Variants in MCU observed in about 807,000 individuals in gnomAD.
MCU encodes the protein mitochondrial calcium uniporter.
MCU carries 12 observed loss-of-function variants against 45.2 expected under a neutral mutation model. The ratio of observed to expected loss-of-function variants is 0.27; its 90% confidence interval spans 0.17 to 0.43. MCU has a LOEUF of 0.43. MCU is among the 20% of genes least tolerant of loss of function. The probability of loss-of-function intolerance (pLI) is 1.00; values close to 1 mark genes in which losing one functional copy is unlikely to be tolerated. For missense variants in MCU, 324 were observed against 436.7 expected, an observed-to-expected ratio of 0.74 and a Z score of 2.30; for synonymous variants, 160 against 165.1, an observed-to-expected ratio of 0.97 and a Z score of 0.24.
rs1363718642 is a variant in MCU, at chr10:72,887,301, T to TTGC, written c.*1493_*1495dup. On this transcript the variant is annotated 3_prime_UTR_variant, in exon 8 of 8. Transcript: ENST00000373053. The stretch of plus-strand genomic sequence containing the variant: ...TGCAAAGGTTGAAGGCCAGCCAGGA[T>TTGC]TGCTGCTGCTGCTGCTACTCCTGCC... 1 of 152,754 alleles carries TTGC rather than the reference T, an allele frequency of 6.5e-6. No individual in the cohort carries two copies. The highest frequency in any genetic ancestry group is 2.4e-5 in the African/African-American group (1 of 41,448). The allele number at this position is 152,754 out of a possible 1,614,324, so 9.5% of individuals were successfully genotyped here.
chr10:72,834,491 T>C (rs1844927460), intron 2 of MCU, 63 bp downstream of exon 2: 4 of 1,408,504 alleles, frequency 2.8e-6, no homozygotes, highest in Non-Finnish European at 4.0e-6. Flanking sequence ...CAGTGTTTCC[T>C]ATTCTCTGAC....
intron 1 of MCU, among the ~76,000 whole-genome samples, chr10:72,800,409 G>A (rs1007493145): frequency 7.2e-5 from 11 of 152,154 alleles, no homozygotes; most frequent in African/African-American, 2.7e-4. Flanking sequence ...ATCTCAATAT[G>A]TGTGAGAGAA....
At chr10:72,873,405 T>C (rs1564581067) in intron 6 of MCU, among the ~76,000 whole-genome samples, 1 of 152,208 alleles carries the variant, frequency 6.6e-6, no homozygotes, top group East Asian at 1.9e-4. Context: ...ATGTCTTCTT[T>C]TGAGAAATGT....
intron 6 of MCU, among the ~76,000 whole-genome samples, chr10:72,876,583 A>G (rs1383336410): frequency 6.6e-6 from 1 of 152,176 alleles, no homozygotes; most frequent in Non-Finnish European, 1.5e-5. Context: ...ATATCCCCAT[A>G]GTAGTTATTC....
At chr10:72,727,313 A>G (rs528077863) in intron 1 of MCU, among the ~76,000 whole-genome samples, 1 of 152,334 alleles carries the variant, frequency 6.6e-6, no homozygotes, top group South Asian at 2.1e-4. Context: ...ATCAAATGGA[A>G]CATTCCCCAA....
chr10:72,827,227 C>G (rs1844812255), intron 1 of MCU, among the ~76,000 whole-genome samples: 1 of 152,092 alleles, frequency 6.6e-6, no homozygotes, highest in African/African-American at 2.4e-5. Context: ...GGTACAAATG[C>G]TAGGTTTTAT....
intron 1 of MCU, chr10:72,715,716 A>G (rs755719469): frequency 1.2e-4 from 22 of 178,870 alleles, no homozygotes; most frequent in Non-Finnish European, 2.2e-4. Flanking sequence ...ATGGGTTTCT[A>G]TGTTTATCAT....
chr10:72,754,067 A>G (rs918909687), intron 1 of MCU, among the ~76,000 whole-genome samples: 4 of 152,170 alleles, frequency 2.6e-5, no homozygotes, highest in African/African-American at 9.7e-5. Context: ...ACCACTAGCT[A>G]TGAGAGACTT....
At chr10:72,831,559 C>T (rs1047707227) in intron 1 of MCU, among the ~76,000 whole-genome samples, 1 of 151,962 alleles carries the variant, frequency 6.6e-6, no homozygotes, top group African/African-American at 2.4e-5. Flanking sequence ...TGTTATTTGT[C>T]AAGCACTGTC....
chr10:72,820,609 A>C (rs1329420085), intron 1 of MCU, among the ~76,000 whole-genome samples: 1 of 151,720 alleles, frequency 6.6e-6, no homozygotes, highest in East Asian at 1.9e-4. Context: ...CTCCCAAGTT[A>C]AAGCGATTCT....
chr10:72,754,237 T>TA (rs1843542948), intron 1 of MCU, among the ~76,000 whole-genome samples: 10 of 152,166 alleles, frequency 6.6e-5, no homozygotes, highest in African/African-American at 2.4e-4. Context: ...TTCAGCCTTA[T>TA]TTTGCTTCCT....
chr10:72,829,690 C>G (rs1478891746), intron 1 of MCU, among the ~76,000 whole-genome samples: 1 of 150,560 alleles, frequency 6.6e-6, no homozygotes, highest in South Asian at 2.1e-4. Flanking sequence ...GTTAAAAATA[C>G]AAAATTTAAA....
At chr10:72,868,551 CAA>C (rs77707370) in intron 4 of MCU, 150 bp from the exon 5 acceptor site, 19,287 of 470,886 alleles carry the variant, frequency 0.041, no homozygotes, top group South Asian at 0.063. Context: ...GACTTTGTCT[CAA>C]AAAAAAAAAA....
intron 1 of MCU, among the ~76,000 whole-genome samples, chr10:72,742,082 A>G (rs1414133268): frequency 6.6e-6 from 1 of 151,674 alleles, no homozygotes; most frequent in African/African-American, 2.4e-5. Flanking sequence ...ACCTGCATAT[A>G]TGGATGGTCC....
intron 6 of MCU, among the ~76,000 whole-genome samples, chr10:72,881,853 G>C (rs1845706155): frequency 6.6e-6 from 1 of 152,294 alleles, no homozygotes. Context: ...TTGTACACAA[G>C]TGTTCACAGC....
chr10:72,813,384 T>C (rs902056080), intron 1 of MCU, among the ~76,000 whole-genome samples: 2 of 150,010 alleles, frequency 1.3e-5, no homozygotes, highest in Non-Finnish European at 3.0e-5. Context: ...TAGAAGGTAA[T>C]GAAAAATCAG....
At chr10:72,852,240 G>A in intron 2 of MCU, among the ~76,000 whole-genome samples, 1 of 152,128 alleles carries the variant, frequency 6.6e-6, no homozygotes, top group East Asian at 1.9e-4. Flanking sequence ...GATTCTTTTA[G>A]AACAAGAAGG....
chr10:72,843,663 A>ATTTAT (rs1845078635), intron 2 of MCU, among the ~76,000 whole-genome samples: 1 of 152,202 alleles, frequency 6.6e-6, no homozygotes, highest in African/African-American at 2.4e-5. Flanking sequence ...TTGGATAAAT[A>ATTTAT]CAGAGAATTG....
chr10:72,722,013 A>G (rs570699771), intron 1 of MCU, among the ~76,000 whole-genome samples: 1 of 152,324 alleles, frequency 6.6e-6, no homozygotes, highest in South Asian at 2.1e-4. Context: ...ATTTGATAGT[A>G]TATTGTTCTC....
Sources: gnomAD v4.1 joint callset for allele counts (sites outside exome capture counted in the v4.1 genomes callset) on GRCh38, gnomAD v4.1.1 for gene constraint, MANE v1.5 for transcripts, NCBI Gene and HGNC (gene_info 2026-07-23, HGNC 2026-07-21) for gene names.